The following UBE2Q1 variants were observed in gnomAD, a reference collection of about 807,000 sequenced individuals.
The protein encoded by UBE2Q1 is ubiquitin-conjugating enzyme E2 Q1.
Under a neutral mutation model 60.1 loss-of-function variants are expected in UBE2Q1, and 6 were observed. The observed-to-expected ratio is 0.10, with a 90% confidence interval of 0.05 to 0.20. The LOEUF (loss-of-function observed/expected upper bound fraction) is 0.20. Among genes scored for constraint, UBE2Q1 ranks in the 10% least tolerant of loss-of-function variants. UBE2Q1 has a pLI of 1.00. For missense variants in UBE2Q1, 262 were observed against 525.8 expected, an observed-to-expected ratio of 0.50 and a Z score of 4.91; for synonymous variants, 226 against 208.3, an observed-to-expected ratio of 1.09 and a Z score of -0.73.
intron 10 of UBE2Q1, 124 bp from the exon 11 acceptor site, chr1:154,551,616 C>A: frequency 7.0e-7 from 1 of 1,430,040 alleles, no homozygotes; most frequent in South Asian, 1.2e-5. Context: ...CCAGCACTGC[C>A]ACCACCTGTC....
intron 4 of UBE2Q1, among the ~76,000 whole-genome samples, chr1:154,553,405 C>T (rs992926160): frequency 2.0e-5 from 3 of 152,344 alleles, no homozygotes; most frequent in African/African-American, 4.8e-5. Context: ...ACTTCGGAAA[C>T]GAGCAGAGCT....
chr1:154,550,322 C>A lies in UBE2Q1; in HGVS notation c.*116G>T. 7.3e-7 allele frequency: 1 copy of A among 1,361,428 alleles called. No homozygotes were observed. The highest frequency in any genetic ancestry group is 1.0e-6 in the Non-Finnish European group (1 of 963,252). 84.3% of individuals were successfully genotyped at this position (1,361,428 alleles called of 1,614,324 possible). A position where few individuals can be genotyped will look rare whatever the true frequency, so the allele number is the denominator to read the frequency against. ...ATTGTCCTGCAATAGGCAGAGCTAT[C>A]ACGTCCAGGAAAAATGAGGGAGGGA... On this transcript the variant is annotated 3_prime_UTR_variant, in exon 13 of 13. Coordinates refer to ENST00000292211, the MANE Select transcript of UBE2Q1 (RefSeq NM_017582.7).
intron 1 of UBE2Q1, among the ~76,000 whole-genome samples, chr1:154,556,523 A>G (rs1311187420): frequency 6.6e-6 from 1 of 152,204 alleles, no homozygotes; most frequent in Admixed American, 6.5e-5. Flanking sequence ...GAGCCCCTCA[A>G]AGACCAATTC....
intron 3 of UBE2Q1, 141 bp from the exon 4 acceptor site, chr1:154,554,926 T>G (rs1039872815): frequency 5.1e-6 from 4 of 783,490 alleles, no homozygotes; most frequent in Admixed American, 2.9e-5. Context: ...CAGCCAGATC[T>G]GAGTGGAAGC....
At chr1:154,551,543 A>C in intron 10 of UBE2Q1, 51 bp from the exon 11 acceptor site, 1 of 1,586,884 alleles carries the variant, frequency 6.3e-7, no homozygotes, top group Admixed American at 1.7e-5. Context: ...GCTTCCAGAG[A>C]ACCCTCATGC....
intron 4 of UBE2Q1, among the ~76,000 whole-genome samples, chr1:154,554,058 T>A (rs1241648774): frequency 6.6e-6 from 1 of 152,232 alleles, no homozygotes; most frequent in Non-Finnish European, 1.5e-5. Context: ...ACTGAGTGTT[T>A]ATTACATGCC....
chr1:154,556,005 C>CT (rs1557846121), intron 1 of UBE2Q1, 41 bp from the exon 2 acceptor site: 6 of 1,590,912 alleles, frequency 3.8e-6, no homozygotes, highest in Non-Finnish European at 5.2e-6. Flanking sequence ...AAATGGGTGA[C>CT]TCTGGGAAAA....
chr1:154,551,533 G>T lies in UBE2Q1; in HGVS notation c.1075-41C>A, dbSNP rs763668763. On this transcript the variant is annotated intron_variant, in intron 10 of 12. Coordinates refer to ENST00000292211, the MANE Select transcript of UBE2Q1 (RefSeq NM_017582.7). ...GACAAGGCAAGCAGGTCCAGATGGA[G>T]CTTCCAGAGAACCCTCATGCTTGTC... 3.1e-6 allele frequency: 5 copies of T among 1,597,936 alleles called. No individual in the cohort carries two copies. The East Asian group carries it at 1.1e-4, about 36-fold the overall frequency.
Position 154,548,794 on chromosome 1 carries a change from A to T in UBE2Q1, c.*1644T>A, listed in dbSNP as rs1695742845. ...TCCCCTTATGTCCCGTCTTTATCTC[A>T]ACCTCAGCATGTTTTATTAGCACCC... On this transcript the variant is annotated 3_prime_UTR_variant, in exon 13 of 13. Coordinates refer to ENST00000292211, the MANE Select transcript of UBE2Q1 (RefSeq NM_017582.7). 1 of 152,596 alleles carries T rather than the reference A, an allele frequency of 6.6e-6. No individual in the cohort carries two copies. The highest frequency in any genetic ancestry group is 6.5e-5 in the Admixed American group (1 of 15,280). The allele number at this position is 152,596 out of a possible 1,614,324, so 9.5% of individuals were successfully genotyped here.
rs778288964 is a variant in UBE2Q1 at position 154,550,939 on chromosome 1, G to A, written c.1236C>T (p.Asn412=). The part of the protein sequence containing the change: ...YKSLVQIHEK[N]GWYTPPKEDG ...CCTGAGTCCTGGCTCCAGCCTCACC[G>A]TTTTTTTCGTGGATCTGCACCAAGG... Residue 412 remains asparagine (N), a splice_region_variant and synonymous_variant, in exon 12 of 13, where the codon AAC becomes AAT. Coordinates refer to ENST00000292211, the MANE Select transcript of UBE2Q1 (RefSeq NM_017582.7). 8.7e-6 allele frequency: 14 copies of A among 1,613,914 alleles called. No individual in the cohort carries two copies. Among genetic ancestry groups the A allele is most frequent in the South Asian group, 5.5e-5 (5 of 91,076 alleles).
intron 1 of UBE2Q1, 33 bp downstream of exon 1, chr1:154,558,194 C>T (rs755885649): frequency 1.4e-6 from 2 of 1,476,096 alleles, no homozygotes; most frequent in Admixed American, 4.9e-5. Context: ...TGACAAGGGG[C>T]CCCCACAGAG....
At chr1:154,556,037 TCCC>T in intron 1 of UBE2Q1, 73 bp from the exon 2 acceptor site, 9 of 1,352,154 alleles carry the variant, frequency 6.7e-6, no homozygotes, top group Non-Finnish European at 9.5e-6. Context: ...CCTGTCCTCT[TCCC>T]CCCAAGACTT....
chr1:154,550,730 T>G, intron 12 of UBE2Q1: 1 of 985,374 alleles, frequency 1.0e-6, no homozygotes, highest in Non-Finnish European at 1.2e-6. Context: ...ACCAAGTTTA[T>G]CGGTGATACG....
Position 154,558,444 on chromosome 1 carries a change from G to A in UBE2Q1, c.110C>T (p.Pro37Leu), listed in dbSNP as rs1356816076. The change falls in exon 1 of 13, where the codon CCG becomes CTG. Residue 37 changes from proline to leucine, a missense_variant. Physicochemically the swap from Pro to Leu is moderately conservative, Grantham distance 98. Around this residue, in one of 5 missense-constraint regions of UBE2Q1, gnomAD observed 70 missense variants for 56.7 expected, o/e 1.24. Transcript: ENST00000292211. Reference protein sequence around the residue: ...AGGGPGGGPGPGPCLRRELKL... With the variant: ...AGGGPGGGPGLGPCLRRELKL... ...CAGCTCTCGCCTCAGGCAGGGCCCC[G>A]GCCCCGGGCCCCCCCCTGGGCCGCC... The A allele has an allele frequency of 1.4e-6, 2 of 1,473,576 alleles. No individual in the cohort carries two copies. The highest frequency in any genetic ancestry group is 1.5e-5 in the African/African-American group (1 of 67,982). 91.3% of individuals were successfully genotyped at this position (1,473,576 alleles called of 1,614,324 possible).
At chr1:154,558,187 C>G (rs767219873) in intron 1 of UBE2Q1, 40 bp downstream of exon 1, 7 of 1,461,802 alleles carry the variant, frequency 4.8e-6, no homozygotes, top group Middle Eastern at 2.2e-4. Context: ...GGGTCCCTGA[C>G]AAGGGGCCCC....
At chr1:154,554,815 A>T in intron 3 of UBE2Q1, 30 bp from the exon 4 acceptor site, 1 of 1,610,946 alleles carries the variant, frequency 6.2e-7, no homozygotes, top group Non-Finnish European at 8.5e-7. Flanking sequence ...GATGGAGATC[A>T]GAGCCCCAGT....
rs1295645961 is a variant in UBE2Q1, at chr1:154,558,612, GCTCCGCCGC to G, written c.-68_-60del. The stretch of plus-strand genomic sequence containing the variant: ...CGGGAGCCTCCGGCCTGCGCTCCGG[GCTCCGCCGC>G]CGCCGCCGCCGCCGCCGCCGCCGCC... On this transcript the variant is annotated 5_prime_UTR_variant, in exon 1 of 13. Transcript: ENST00000292211. 1 of 946,212 alleles carries G rather than the reference GCTCCGCCGC, an allele frequency of 1.1e-6. No homozygotes were observed. Among genetic ancestry groups the G allele is most frequent in the Non-Finnish European group, 1.2e-6 (1 of 824,332 alleles). The allele number at this position is 946,212 out of a possible 1,614,324, so 58.6% of individuals were successfully genotyped here. A position where few individuals can be genotyped will look rare whatever the true frequency, so the allele number is the denominator to read the frequency against.
rs748259829 is a variant in UBE2Q1 at position 154,551,507 on chromosome 1, G to A, written c.1075-15C>T. On this transcript the variant is annotated splice_polypyrimidine_tract_variant and intron_variant, in intron 10 of 12. Transcript: ENST00000292211. ...CTGCTCCAGCCCTGGGTGAAGGGAAGGACAAGGCAAGCAGGTCCAGATGGA... is the reference window on the plus strand; with the variant it reads ...CTGCTCCAGCCCTGGGTGAAGGGAAAGACAAGGCAAGCAGGTCCAGATGGA... 3.1e-6 allele frequency: 5 copies of A among 1,613,130 alleles called. No individual in the cohort carries two copies. In the African/African-American group the frequency reaches 4.0e-5, roughly 13 times the overall value.
At chr1:154,554,669 A>G in intron 4 of UBE2Q1, 66 bp downstream of exon 4, 1 of 1,521,294 alleles carries the variant, frequency 6.6e-7, no homozygotes, top group Non-Finnish European at 9.1e-7. Flanking sequence ...GGAGTTCTGG[A>G]TATGGGTACC....
Sources: gnomAD v4.1 joint callset for allele counts (sites outside exome capture counted in the v4.1 genomes callset) on GRCh38, gnomAD v4.1.1 for gene constraint, gnomAD v4.1.1 regional missense constraint, MANE v1.5 for transcripts, NCBI Gene and HGNC (gene_info 2026-07-23, HGNC 2026-07-21) for gene names.